Variants in ANKRD33B observed in about 807,000 individuals in gnomAD.
ANKRD33B encodes ankyrin repeat domain 33B.
Under a neutral mutation model 21.5 loss-of-function variants are expected in ANKRD33B, and 6 were observed. The observed-to-expected ratio is 0.28, with a 90% CI of 0.15 to 0.55. The LOEUF (loss-of-function observed/expected upper bound fraction) is 0.55, where lower values mean the gene tolerates loss of function less well. Among genes scored for constraint, ANKRD33B ranks in the 20% least tolerant of loss-of-function variants. The pLI, the probability that ANKRD33B is intolerant of heterozygous loss-of-function variation, is 0.94. For missense variants in ANKRD33B, 698 were observed against 747.2 expected (o/e 0.93, Z 0.77); for synonymous variants, 347 against 342.4 (o/e 1.01, Z -0.15).
chr5:10,586,221 C>A (rs1735556571), intron 1 of ANKRD33B, among the ~76,000 whole-genome samples: 1 of 152,044 alleles, frequency 6.6e-6, no homozygotes, highest in South Asian at 2.1e-4. Flanking sequence ...TCAAGTCCCA[C>A]AATCCGCTTT....
At chr5:10,626,472 A>G (rs1736550104) in intron 2 of ANKRD33B, among the ~76,000 whole-genome samples, 1 of 152,132 alleles carries the variant, frequency 6.6e-6, no homozygotes, top group African/African-American at 2.4e-5. Context: ...TTTCAGTTGT[A>G]TTTCCCCAGC....
intron 2 of ANKRD33B, among the ~76,000 whole-genome samples, chr5:10,622,964 C>T (rs988265363): frequency 1.3e-5 from 2 of 152,162 alleles, no homozygotes; most frequent in African/African-American, 4.8e-5. Context: ...TCCATCCAGG[C>T]TCAGTGCCCA....
chr5:10,637,751 A>G (rs1736905501), intron 2 of ANKRD33B, among the ~76,000 whole-genome samples: 1 of 151,626 alleles, frequency 6.6e-6, no homozygotes, highest in South Asian at 2.1e-4. Flanking sequence ...ATCCACCCCC[A>G]GTAGTGTAAT....
chr5:10,643,226 A>G (rs1319827376), intron 3 of ANKRD33B, among the ~76,000 whole-genome samples: 1 of 152,112 alleles, frequency 6.6e-6, no homozygotes, highest in Non-Finnish European at 1.5e-5. Flanking sequence ...TTTCAGCACT[A>G]CTAACATGCA....
In ANKRD33B at chr5:10,650,120, G is replaced by C; in HGVS notation, c.*7G>C. The C allele has an allele frequency of 3.3e-6, 5 of 1,492,594 alleles. No individual in the cohort carries two copies. The African/African-American group carries it at 5.8e-5, about 17-fold the overall frequency. 92.5% of individuals were successfully genotyped at this position (1,492,594 alleles called of 1,614,324 possible). On this transcript the variant is annotated 3_prime_UTR_variant, in exon 4 of 4. Transcript: ENST00000296657. ...CTGGAAGAAGAGGACGTGAGGGCCCGTGTGCCTGGCGCTGGGGCCGGGGCT... is the reference window on the plus strand; with the variant it reads ...CTGGAAGAAGAGGACGTGAGGGCCCCTGTGCCTGGCGCTGGGGCCGGGGCT...
At chr5:10,633,258 C>T (rs951503429) in intron 2 of ANKRD33B, among the ~76,000 whole-genome samples, 4 of 152,188 alleles carry the variant, frequency 2.6e-5, no homozygotes, top group Middle Eastern at 3.4e-3. Flanking sequence ...CACGCCACCA[C>T]GCCCAGCTAA....
chr5:10,619,194 C>A lies in ANKRD33B; in HGVS notation c.496+732C>A. 1.8e-6 allele frequency: 1 copy of A among 548,180 alleles called. No homozygotes were observed. The highest frequency in any genetic ancestry group is 2.3e-6 in the Non-Finnish European group (1 of 430,670). 34.0% of individuals were successfully genotyped at this position (548,180 alleles called of 1,614,324 possible). ...ACTGACCCCTTTCACATTTCTTTGC[C>A]TCCAAAGATTCTGTCTGTTTCATCG... On this transcript the variant is annotated intron_variant, in intron 2 of 3. Coordinates refer to ENST00000296657, the MANE Select transcript of ANKRD33B (RefSeq NM_001164440.2). The surrounding 1 kb of genome is among the most constrained non-coding windows in gnomAD (Gnocchi z 4.5).
chr5:10,621,986 A>C (rs1736432194), intron 2 of ANKRD33B, among the ~76,000 whole-genome samples: 1 of 152,248 alleles, frequency 6.6e-6, no homozygotes, highest in East Asian at 1.9e-4. Flanking sequence ...ATGTAAGGAC[A>C]CAGTGAGAAG....
chr5:10,589,782 G>C (rs183342254), intron 1 of ANKRD33B, among the ~76,000 whole-genome samples: 1 of 152,034 alleles, frequency 6.6e-6, no homozygotes, highest in African/African-American at 2.4e-5. Context: ...TGAATATGCG[G>C]CTTGATATCT....
chr5:10,620,679 A>G (rs1446935697), intron 2 of ANKRD33B, among the ~76,000 whole-genome samples: 2 of 152,194 alleles, frequency 1.3e-5, no homozygotes, highest in Non-Finnish European at 2.9e-5. Flanking sequence ...TTGTTTCTTC[A>G]GAGTCAGGAG....
chr5:10,601,212 C>T (rs1444188046), intron 1 of ANKRD33B, among the ~76,000 whole-genome samples: 1 of 152,138 alleles, frequency 6.6e-6, no homozygotes, highest in Non-Finnish European at 1.5e-5. Context: ...CCAGCTCCCA[C>T]CTGAGAGCCA....
At chr5:10,605,900 T>C (rs1043974651) in intron 1 of ANKRD33B, among the ~76,000 whole-genome samples, 10 of 152,268 alleles carry the variant, frequency 6.6e-5, no homozygotes, top group Non-Finnish European at 1.5e-4. Context: ...TTTGTACATC[T>C]GTTGTAAAAA....
chr5:10,623,541 G>C (rs10035875), intron 2 of ANKRD33B, among the ~76,000 whole-genome samples: 31,836 of 152,132 alleles, frequency 0.21, 3,623 homozygotes, highest in Non-Finnish European at 0.26. Flanking sequence ...AATCACCTCC[G>C]AAAGCCACCT....
chr5:10,564,962 C>A, intron 1 of ANKRD33B, 129 bp downstream of exon 1: 2 of 1,293,150 alleles, frequency 1.5e-6, no homozygotes, highest in Non-Finnish European at 2.1e-6. Flanking sequence ...CCGCCCAGAG[C>A]GCCTTTTCCC....
At position 10,576,725 on chromosome 5, in the gene ANKRD33B, T is replaced by C. The variant is rs115986790; in HGVS notation, c.366+11892T>C. 6.6e-6 allele frequency among the ~76,000 whole-genome samples: 1 copy of C among 152,372 alleles called. No individual in the cohort carries two copies. The highest frequency in any genetic ancestry group is 2.4e-5 in the African/African-American group (1 of 41,602). ...TTTTCCAGTACTGCTAGTTCCATTT[T>C]AGCCAAGGGGAAAAGTGGAAGCAAA... is the stretch of plus-strand genomic sequence containing the variant. On this transcript the variant is annotated intron_variant, in intron 1 of 3. Coordinates refer to ENST00000296657, the MANE Select transcript of ANKRD33B (RefSeq NM_001164440.2). This position sits in a 1 kb window ranked among gnomAD's most constrained non-coding sequence, Gnocchi z 4.1.
intron 2 of ANKRD33B, among the ~76,000 whole-genome samples, chr5:10,623,301 T>C (rs1250915839): frequency 2.0e-5 from 3 of 152,194 alleles, no homozygotes; most frequent in Non-Finnish European, 4.4e-5. Context: ...TTAGGTGTAA[T>C]ACCCCATCCT....
At position 10,602,182 on chromosome 5, in the gene ANKRD33B, C is replaced by T. The variant is rs1290724252; in HGVS notation, c.367-16151C>T. On this transcript the variant is annotated intron_variant, in intron 1 of 3. Transcript: ENST00000296657. The stretch of plus-strand genomic sequence containing the variant: ...GTGCCTGGGTGTAGAGATAACACCA[C>T]CACTGTCCATCCCGGGGCCTCACCC... Among the ~76,000 whole-genome samples, 3 of 152,364 alleles carry T rather than the reference C, an allele frequency of 2.0e-5. No individual in the cohort carries two copies. In the East Asian group the frequency reaches 5.8e-4, roughly 29 times the overall value.
At chr5:10,574,008 C>T (rs1185284079) in intron 1 of ANKRD33B, among the ~76,000 whole-genome samples, 1 of 152,224 alleles carries the variant, frequency 6.6e-6, no homozygotes, top group East Asian at 1.9e-4. Flanking sequence ...AAAGGGGCCT[C>T]CTCTCAGTCA....
At chr5:10,601,649 G>C (rs1457784553) in intron 1 of ANKRD33B, among the ~76,000 whole-genome samples, 1 of 152,244 alleles carries the variant, frequency 6.6e-6, no homozygotes, top group Non-Finnish European at 1.5e-5. Context: ...CAGTAAGCCT[G>C]CTGATGGTGA....
Sources: gnomAD v4.1 joint callset for allele counts (sites outside exome capture counted in the v4.1 genomes callset) on GRCh38, gnomAD v4.1.1 for gene constraint, Gnocchi (gnomAD v3.1) non-coding constraint, MANE v1.5 for transcripts, NCBI Gene and HGNC (gene_info 2026-07-23, HGNC 2026-07-21) for gene names.